Variants in RERE observed in about 807,000 individuals in gnomAD.
The protein encoded by RERE is arginine-glutamic acid dipeptide repeats protein.
In RERE, 40 loss-of-function variants were observed where a neutral mutation model predicts 146.1. The observed-to-expected ratio is 0.27, with a 90% CI of 0.21 to 0.36. The LOEUF is 0.36. RERE is among the 10% of genes least tolerant of loss of function. The pLI is 1.00. For missense variants in RERE, 1,933 were observed against 2,138.7 expected (o/e 0.90, Z 1.90); for synonymous variants, 1,003 against 866.0 (o/e 1.16, Z -2.78).
intron 3 of RERE, among the ~76,000 whole-genome samples, chr1:8,617,877 T>C (rs1646872844): frequency 6.6e-6 from 1 of 152,242 alleles, no homozygotes; most frequent in African/African-American, 2.4e-5. Context: ...CTGAATTTTC[T>C]TCAAGTATTT....
chr1:8,386,016 A>T (rs1304185835), intron 12 of RERE, among the ~76,000 whole-genome samples: 13 of 44,242 alleles, frequency 2.9e-4, no homozygotes, highest in East Asian at 2.9e-3. Flanking sequence ...ATATATATAT[A>T]TATATATTTT....
Position 8,358,464 on chromosome 1 carries a change from CG to C in RERE, c.4070del (p.Pro1357ArgfsTer15). On this transcript the variant is annotated frameshift_variant, in exon 20 of 23. Transcript: ENST00000400908. LOFTEE classifies it high-confidence loss of function. ...FARHSALTIP[P>X]TAGPHPFASF... ...AAGCAAAAGGGTGGGGCCCGGCGGTCGGGGGGATGGTGAGGGCGCTGTGCCG... is the reference window on the plus strand; with the variant it reads ...AAGCAAAAGGGTGGGGCCCGGCGGTCGGGGGATGGTGAGGGCGCTGTGCCG... 3.8e-6 allele frequency: 6 copies of C among 1,583,396 alleles called. No individual in the cohort carries two copies. Among genetic ancestry groups the C allele is most frequent in the African/African-American group, 1.3e-5 (1 of 74,506 alleles).
In RERE at chr1:8,423,753, G is replaced by GCC; in HGVS notation, c.1204-947_1204-946insGG. On this transcript the variant is annotated intron_variant, in intron 11 of 22. Coordinates refer to ENST00000400908, the MANE Select transcript of RERE (RefSeq NM_001042681.2). The surrounding 1 kb of genome is among the most constrained non-coding windows in gnomAD (Gnocchi z 5.4). ...CGGCGCGGGGCCCGGGGGGCGCGGG[G>GCC]CTGGGGCCGCCGCTGACGGGGGAGG... 1.1e-6 allele frequency: 1 copy of GCC among 922,982 alleles called. No homozygotes were observed. The highest frequency in any genetic ancestry group is 1.8e-5 in the African/African-American group (1 of 55,576). 57.2% of individuals were successfully genotyped at this position (922,982 alleles called of 1,614,324 possible).
At chr1:8,501,217 GC>G (rs1213604505) in intron 8 of RERE, among the ~76,000 whole-genome samples, 27 of 146,626 alleles carry the variant, frequency 1.8e-4, no homozygotes, top group East Asian at 1.7e-3. Context: ...GGGGGGGTCA[GC>G]CCCCCGCCCG....
chr1:8,701,924 C>A (rs776632014), intron 1 of RERE, among the ~76,000 whole-genome samples: 1 of 152,146 alleles, frequency 6.6e-6, no homozygotes, highest in East Asian at 1.9e-4. Flanking sequence ...CCTCTCAGAG[C>A]CCAAGTCTAA....
chr1:8,766,151 A>G (rs960741045), intron 1 of RERE, among the ~76,000 whole-genome samples: 3 of 152,130 alleles, frequency 2.0e-5, no homozygotes, highest in African/African-American at 7.2e-5. Context: ...CAAAAGATCA[A>G]AAGGACTACA....
chr1:8,423,522 C>G lies in RERE; in HGVS notation c.1204-715G>C. The G allele has an allele frequency of 1.0e-6, 1 of 984,624 alleles. No individual in the cohort carries two copies. The highest frequency in any genetic ancestry group is 1.2e-6 in the Non-Finnish European group (1 of 829,188). The allele number at this position is 984,624 out of a possible 1,614,324, so 61.0% of individuals were successfully genotyped here. On this transcript the variant is annotated intron_variant, in intron 11 of 22. Transcript: ENST00000400908. This position sits in a 1 kb window ranked among gnomAD's most constrained non-coding sequence, Gnocchi z 5.4. ...TCCCATGCCTCCCGAGCACCCCTCC[C>G]CGCCCCGGTGGGGGCAGCTCCTGGC... is the stretch of plus-strand genomic sequence containing the variant.
At chr1:8,399,861 TTATAAAC>T (rs1643188085) in intron 12 of RERE, among the ~76,000 whole-genome samples, 1 of 152,006 alleles carries the variant, frequency 6.6e-6, no homozygotes, top group Non-Finnish European at 1.5e-5. Context: ...GCTAGGAATC[TTATAAAC>T]TATAAGTTTC....
intron 4 of RERE, among the ~76,000 whole-genome samples, chr1:8,590,063 AAGTC>A (rs1193565629): frequency 6.6e-6 from 1 of 152,152 alleles, no homozygotes; most frequent in Non-Finnish European, 1.5e-5. Flanking sequence ...CCTCAGGACT[AAGTC>A]AGTCCCTTGC....
At chr1:8,755,862 T>G (rs1355993104) in intron 1 of RERE, among the ~76,000 whole-genome samples, 2 of 152,012 alleles carry the variant, frequency 1.3e-5, no homozygotes, top group Non-Finnish European at 2.9e-5. Context: ...CCCAGGAGTT[T>G]GAGACCAGCC....
chr1:8,587,316 T>C (rs537769563), intron 4 of RERE, among the ~76,000 whole-genome samples: 1 of 152,316 alleles, frequency 6.6e-6, no homozygotes, highest in African/African-American at 2.4e-5. Flanking sequence ...ACCAGAATCA[T>C]TTCCATTGAC....
chr1:8,767,718 T>G (rs969732782), intron 1 of RERE, among the ~76,000 whole-genome samples: 2 of 152,062 alleles, frequency 1.3e-5, no homozygotes, highest in African/African-American at 4.8e-5. Flanking sequence ...TCCCAGCACT[T>G]TGGGAGGCCA....
rs1174115922 is a variant in RERE at position 8,385,758 on chromosome 1, C to T, written c.1285-19784G>A. Among the ~76,000 whole-genome samples, 15 of 149,738 alleles carry T rather than the reference C, an allele frequency of 1.0e-4. No individual in the cohort carries two copies. In the East Asian group the frequency reaches 2.0e-3, roughly 20 times the overall value. ...CGGATGGATCACTAGGTCAGGAGAT[C>T]GAGACTATCCTGGCTAACATGGTGA... is the stretch of plus-strand genomic sequence containing the variant. On this transcript the variant is annotated intron_variant, in intron 12 of 22. Coordinates refer to ENST00000400908, the MANE Select transcript of RERE (RefSeq NM_001042681.2).
chr1:8,380,768 G>T (rs746217522), intron 12 of RERE: 1 of 446,002 alleles, frequency 2.2e-6, no homozygotes, highest in South Asian at 1.6e-5. Context: ...TCTTTAAGGT[G>T]ACTTCAGACT....
intron 2 of RERE, among the ~76,000 whole-genome samples, chr1:8,630,382 C>T (rs1570537430): frequency 6.6e-6 from 1 of 151,820 alleles, no homozygotes; most frequent in East Asian, 1.9e-4. Flanking sequence ...GAGGAACAAA[C>T]AAACTAAACA....
At chr1:8,515,491 C>A (rs575263110) in intron 7 of RERE, among the ~76,000 whole-genome samples, 2 of 152,098 alleles carry the variant, frequency 1.3e-5, no homozygotes, top group East Asian at 1.9e-4. Flanking sequence ...CTTAGCCGGG[C>A]GTGGTGGCAG....
intron 1 of RERE, among the ~76,000 whole-genome samples, chr1:8,814,248 C>T (rs748171186): frequency 6.6e-6 from 1 of 152,196 alleles, no homozygotes; most frequent in Non-Finnish European, 1.5e-5. Context: ...ATCCTACACA[C>T]CCAGTCCCCT....
At chr1:8,641,308 CT>C (rs1468596338) in intron 2 of RERE, among the ~76,000 whole-genome samples, 1 of 152,162 alleles carries the variant, frequency 6.6e-6, no homozygotes, top group East Asian at 1.9e-4. Context: ...GATTAAACAA[CT>C]CTTTCAGCAA....
chr1:8,659,108 CAA>C (rs1256815280), intron 1 of RERE, among the ~76,000 whole-genome samples: 1 of 152,186 alleles, frequency 6.6e-6, no homozygotes, highest in Non-Finnish European at 1.5e-5. Flanking sequence ...TCACTGCCTA[CAA>C]AAGTTTTGCC....
Sources: gnomAD v4.1 joint callset for allele counts (sites outside exome capture counted in the v4.1 genomes callset) on GRCh38, gnomAD v4.1.1 for gene constraint, Gnocchi (gnomAD v3.1) non-coding constraint, MANE v1.5 for transcripts, NCBI Gene and HGNC (gene_info 2026-07-23, HGNC 2026-07-21) for gene names.